MMP13: variants seen among roughly 807,000 people sequenced by gnomAD.
MMP13 encodes the protein collagenase 3.
Under a neutral mutation model 52.1 loss-of-function variants are expected in MMP13, and 45 were observed. That is an observed-to-expected ratio of 0.86 (90% CI 0.68 to 1.11). The LOEUF (loss-of-function observed/expected upper bound fraction) is 1.11, where lower values mean the gene tolerates loss of function less well. Ranked by LOEUF, MMP13 falls within the 50% of genes least tolerant of loss-of-function variation. MMP13 has a pLI of 0.00. For synonymous variants in MMP13, 200 were observed against 204.4 expected, an observed-to-expected ratio of 0.98 and a Z score of 0.18; for missense variants, 576 against 583.8, an observed-to-expected ratio of 0.99 and a Z score of 0.14.
At chr11:102,948,914 T>G in intron 7 of MMP13, 111 bp downstream of exon 7, 1 of 1,445,792 alleles carries the variant, frequency 6.9e-7, no homozygotes, top group South Asian at 1.2e-5. Flanking sequence ...ATACTTGGTC[T>G]TTAATTTAGG....
Position 102,949,995 on chromosome 11 carries a change from C to T in MMP13, c.917+115G>A, listed in dbSNP as rs146341643. 749 of 845,032 alleles carry T rather than the reference C, an allele frequency of 8.9e-4. 12 individuals carry two copies. The East Asian group carries it at 0.015, about 17-fold the overall frequency. The allele number at this position is 845,032 out of a possible 1,614,324, so 52.3% of individuals were successfully genotyped here. On this transcript the variant is annotated intron_variant, in intron 6 of 9. Transcript: ENST00000260302. This position sits in a 1 kb window ranked among gnomAD's most constrained non-coding sequence, Gnocchi z 4.2. ...GAAATATGTAAATAAACTGCCTGCC[C>T]ATTTTTACTGCTAACTTCGCCTTTG...
At position 102,949,148 on chromosome 11, in the gene MMP13, G is replaced by C; in HGVS notation, c.928C>G (p.Arg310Gly). 6.2e-7 allele frequency: 1 copy of C among 1,613,498 alleles called. No homozygotes were observed. The highest frequency in any genetic ancestry group is 1.7e-4 in the Middle Eastern group (1 of 6,054). ...TMIFKDRFFW[R>G]LHPQQVDAEL... ...GCATCAACCTGCTGAGGATGCAGGC[G>C]CCAGAAGAATCTAACACAAAAGTAA... The change falls in exon 7 of 10, where the codon CGC becomes GGC. Residue 310 changes from arginine (R) to glycine (G), a missense_variant. Transcript: ENST00000260302. The surrounding 1 kb of genome is among the most constrained non-coding windows in gnomAD (Gnocchi z 4.2).
rs1293739110 is a variant in MMP13, at chr11:102,943,044, C to T, written c.*1222G>A. ...TAAACAACATAAACACTTCCTAATA[C>T]ACTTTGCAAATATGCATTTCATTTT... is the stretch of plus-strand genomic sequence containing the variant. On this transcript the variant is annotated 3_prime_UTR_variant, in exon 10 of 10. Transcript: ENST00000260302. The T allele has an allele frequency of 6.6e-6, 1 of 152,220 alleles. No homozygotes were observed. Among genetic ancestry groups the T allele is most frequent in the Non-Finnish European group, 1.5e-5 (1 of 68,044 alleles). The allele number at this position is 152,220 out of a possible 1,614,324, so 9.4% of individuals were successfully genotyped here. A position where few individuals can be genotyped will look rare whatever the true frequency, so the allele number is the denominator to read the frequency against.
In MMP13 at chr11:102,955,381, T is replaced by G. The variant is rs766473955; in HGVS notation, c.233A>C (p.Glu78Ala). The G allele has an allele frequency of 1.9e-6, 3 of 1,614,058 alleles. No individual in the cohort carries two copies. The South Asian group carries it at 3.3e-5, about 18-fold the overall frequency. ...LREMQSFFGLEVTGKLDDNTL... is the reference protein window; with the variant it reads ...LREMQSFFGLAVTGKLDDNTL... ...GTTATCGTCAAGTTTGCCAGTCACCTCTAAGCCGAAGAAAGACTGCATTTC... is the reference window on the plus strand; with the variant it reads ...GTTATCGTCAAGTTTGCCAGTCACCGCTAAGCCGAAGAAAGACTGCATTTC... The change falls in exon 2 of 10, where the codon GAG (glutamate) becomes GCG (alanine). Residue 78 changes from glutamate (E) to alanine (A), a missense_variant. Coordinates refer to ENST00000260302, the MANE Select transcript of MMP13 (RefSeq NM_002427.4). The surrounding 1 kb of genome is among the most constrained non-coding windows in gnomAD (Gnocchi z 4.9).
At chr11:102,951,441 T>C (rs1191767396) in intron 5 of MMP13, among the ~76,000 whole-genome samples, 1 of 152,178 alleles carries the variant, frequency 6.6e-6, no homozygotes, top group Non-Finnish European at 1.5e-5. Flanking sequence ...TTGCAATGTA[T>C]AAAGTACAAA....
Position 102,955,516 on chromosome 11 carries a change from C to A in MMP13, c.121-23G>T. 1 of 1,613,978 alleles carries A rather than the reference C, an allele frequency of 6.2e-7. No homozygotes were observed. ...GCGCTAGAAAAGACACCAAAATGAACTGCGTTTAAAAGAGAAGGACATTTC... is the reference window on the plus strand; with the variant it reads ...GCGCTAGAAAAGACACCAAAATGAAATGCGTTTAAAAGAGAAGGACATTTC... On this transcript the variant is annotated intron_variant, in intron 1 of 9. Coordinates refer to ENST00000260302, the MANE Select transcript of MMP13 (RefSeq NM_002427.4). This position sits in a 1 kb window ranked among gnomAD's most constrained non-coding sequence, Gnocchi z 4.9.
At position 102,952,118 on chromosome 11, in the gene MMP13, G is replaced by C; in HGVS notation, c.693C>G (p.Asp231Glu). The C allele has an allele frequency of 1.2e-6, 2 of 1,613,318 alleles. No homozygotes were observed. The highest frequency in any genetic ancestry group is 1.7e-6 in the Non-Finnish European group (2 of 1,179,422). ...AHEFGHSLGL[D>E]HSKDPGALMF... ...TGAGTGCTCCAGGGTCCTTGGAGTG[G>C]TCAAGACCTAAGGAGTGGCCGAACT... The change falls in exon 5 of 10, where the codon GAC (aspartate) becomes GAG (glutamate). Residue 231 changes from aspartate (D) to glutamate (E), a missense_variant. Coordinates refer to ENST00000260302, the MANE Select transcript of MMP13 (RefSeq NM_002427.4). This position sits in a 1 kb window ranked among gnomAD's most constrained non-coding sequence, Gnocchi z 4.3.
chr11:102,947,638 G>C (rs933363484), intron 8 of MMP13, among the ~76,000 whole-genome samples: 1 of 151,018 alleles, frequency 6.6e-6, no homozygotes, highest in Non-Finnish European at 1.5e-5. Context: ...GCTAAGAAAA[G>C]AATGTTTGAG....
rs1860567797 is a variant in MMP13 at position 102,949,196 on chromosome 11, T to C, written c.918-38A>G. 1 of 1,609,664 alleles carries C rather than the reference T, an allele frequency of 6.2e-7. No homozygotes were observed. The highest frequency in any genetic ancestry group is 1.7e-5 in the Admixed American group (1 of 59,840). ...TAAAATGGAGTTTTCTGTCACATTT[T>C]TAAATGCAATATTTCTATCCTGCTA... On this transcript the variant is annotated intron_variant, in intron 6 of 9. Transcript: ENST00000260302. This position sits in a 1 kb window ranked among gnomAD's most constrained non-coding sequence, Gnocchi z 4.2.
intron 9 of MMP13, chr11:102,945,310 G>A (rs1262149595): frequency 4.1e-5 from 41 of 1,006,298 alleles, no homozygotes; most frequent in Non-Finnish European, 5.1e-5. Context: ...GTAGTTATGA[G>A]TCTTTATATA....
Position 102,955,264 on chromosome 11 carries a change from T to C in MMP13, c.350A>G (p.Asn117Ser). ...GCCTATGATTTACCTGTAGGTTAAA[T>C]TCATTTTGGACCATTTAAGAGTTCG... The part of the protein sequence containing the change: ...FPRTLKWSKM[N>S]LTYRIVNYTP... The change falls in exon 2 of 10, where the codon AAT becomes AGT. Residue 117 changes from asparagine (N) to serine (S), a missense_variant. Physicochemically the swap from Asn to Ser is conservative, Grantham distance 46 (BLOSUM62 1). Coordinates refer to ENST00000260302, the MANE Select transcript of MMP13 (RefSeq NM_002427.4). The surrounding 1 kb of genome is among the most constrained non-coding windows in gnomAD (Gnocchi z 4.9). The C allele has an allele frequency of 1.9e-6, 3 of 1,613,932 alleles. No individual in the cohort carries two copies. Among genetic ancestry groups the C allele is most frequent in the Non-Finnish European group, 2.5e-6 (3 of 1,179,848 alleles).
Position 102,950,123 on chromosome 11 carries a change from T to C in MMP13, c.904A>G (p.Ile302Val). ...AITSLRGETM[I>V]FKDRFFWRLH... ...TCTCAAGAGTACCTGTCTTTAAAGA[T>C]CATTGTTTCTCCTCGGAGACTGGTA... The change falls in exon 6 of 10, where the codon ATC (isoleucine) becomes GTC (valine). Residue 302 changes from isoleucine to valine, a missense_variant. Physicochemically the swap from Ile to Val is conservative, Grantham distance 29. Transcript: ENST00000260302. 6.2e-7 allele frequency: 1 copy of C among 1,609,210 alleles called. No homozygotes were observed. Among genetic ancestry groups the C allele is most frequent in the Non-Finnish European group, 8.5e-7 (1 of 1,175,532 alleles).
chr11:102,946,352 C>T (rs782575430), intron 8 of MMP13, among the ~76,000 whole-genome samples: 10 of 152,170 alleles, frequency 6.6e-5, no homozygotes, highest in Non-Finnish European at 1.2e-4. Flanking sequence ...CCATAAGGTG[C>T]CACTACTGTT....
intron 5 of MMP13, among the ~76,000 whole-genome samples, chr11:102,951,010 C>A (rs572913012): frequency 2.6e-5 from 4 of 152,096 alleles, no homozygotes; most frequent in Non-Finnish European, 5.9e-5. Flanking sequence ...ATGCTATGAG[C>A]AAGTTTTCTG....
In MMP13 at chr11:102,955,171, A is replaced by G; in HGVS notation, c.362+81T>C. The G allele has an allele frequency of 6.6e-7, 1 of 1,507,368 alleles. No individual in the cohort carries two copies. Among genetic ancestry groups the G allele is most frequent in the Non-Finnish European group, 9.1e-7 (1 of 1,096,088 alleles). The allele number at this position is 1,507,368 out of a possible 1,614,324, so 93.4% of individuals were successfully genotyped here. A position where few individuals can be genotyped will look rare whatever the true frequency, so the allele number is the denominator to read the frequency against. The stretch of plus-strand genomic sequence containing the variant: ...TCTGGAATTTAACTGCCAATTAAAT[A>G]ATAAGGCCTACTTAATATTAGACAT... On this transcript the variant is annotated intron_variant, in intron 2 of 9. Transcript: ENST00000260302. This position sits in a 1 kb window ranked among gnomAD's most constrained non-coding sequence, Gnocchi z 4.9.
At position 102,945,716 on chromosome 11, in the gene MMP13, G is replaced by T; in HGVS notation, c.1245C>A (p.Asp415Glu). Reference sequence around the variant, plus strand: ...AGTCTTCTTCTATTAGTCTCGGATAGTCTTTATCCATAATATGGTTAGTAT... The same window carrying T: ...AGTCTTCTTCTATTAGTCTCGGATATTCTTTATCCATAATATGGTTAGTAT... Reference protein sequence around the residue: ...YDDTNHIMDKDYPRLIEEDFP... With the variant: ...YDDTNHIMDKEYPRLIEEDFP... Residue 415 changes from aspartate (D) to glutamate (E), a missense_variant, in exon 9 of 10, where the codon GAC (aspartate) becomes GAA (glutamate). Coordinates refer to ENST00000260302, the MANE Select transcript of MMP13 (RefSeq NM_002427.4). 1 of 1,599,022 alleles carries T rather than the reference G, an allele frequency of 6.3e-7. No individual in the cohort carries two copies.
Position 102,949,516 on chromosome 11 carries a change from G to A in MMP13, c.918-358C>T, listed in dbSNP as rs546188147. 9.9e-5 allele frequency among the ~76,000 whole-genome samples: 15 copies of A among 152,148 alleles called. No individual in the cohort carries two copies. The highest frequency in any genetic ancestry group is 3.4e-4 in the African/African-American group (14 of 41,502). On this transcript the variant is annotated intron_variant, in intron 6 of 9. Transcript: ENST00000260302. This position sits in a 1 kb window ranked among gnomAD's most constrained non-coding sequence, Gnocchi z 4.2. Reference sequence around the variant, plus strand: ...AGTTATATGAACTATGTCTTCCATGGTCTCATGGCCTGGGAAAACATACAT... The same window carrying A: ...AGTTATATGAACTATGTCTTCCATGATCTCATGGCCTGGGAAAACATACAT...
rs1555017091 is a variant in MMP13 at position 102,949,669 on chromosome 11, A to G, written c.917+441T>C. On this transcript the variant is annotated intron_variant, in intron 6 of 9. Transcript: ENST00000260302. This position sits in a 1 kb window ranked among gnomAD's most constrained non-coding sequence, Gnocchi z 4.2. The stretch of plus-strand genomic sequence containing the variant: ...AAACAAGCATACTGGAACAGTGTAG[A>G]AATTAAAATTTTATATTGCATTTCT... 6.6e-6 allele frequency among the ~76,000 whole-genome samples: 1 copy of G among 152,232 alleles called. No individual in the cohort carries two copies. The highest frequency in any genetic ancestry group is 2.4e-5 in the African/African-American group (1 of 41,458).
At chr11:102,946,934 C>T (rs1860518339) in intron 8 of MMP13, among the ~76,000 whole-genome samples, 1 of 152,068 alleles carries the variant, frequency 6.6e-6, no homozygotes, top group Non-Finnish European at 1.5e-5. Flanking sequence ...AAAGTTTCCA[C>T]TTTAAACATT....
Sources: allele counts gnomAD v4.1 joint callset (sites outside exome capture counted in the v4.1 genomes callset), GRCh38; gene constraint gnomAD v4.1.1; non-coding constraint Gnocchi (gnomAD v3.1); transcripts MANE v1.5; gene names NCBI Gene and HGNC (gene_info 2026-07-23, HGNC 2026-07-21).